CDKL5: variants seen among roughly 807,000 people sequenced by gnomAD.
The protein encoded by CDKL5 is cyclin-dependent kinase-like 5.
In CDKL5, 8 loss-of-function variants were observed where a neutral mutation model predicts 61.7. The ratio of observed to expected loss-of-function variants is 0.13; its 90% CI spans 0.08 to 0.23. CDKL5 has a LOEUF of 0.23. Among genes scored for constraint, CDKL5 ranks in the 10% least tolerant of loss-of-function variants. The pLI, the probability that CDKL5 is intolerant of heterozygous loss-of-function variation, is 1.00. For synonymous variants in CDKL5, 275 were observed against 272.3 expected (o/e 1.01, Z -0.10); for missense variants, 440 against 734.5 (o/e 0.60, Z 4.63).
chrX:18,576,131 A>G (rs911423537), intron 5 of CDKL5, among the ~76,000 whole-genome samples: 3 of 111,903 alleles, frequency 2.7e-5, no homozygotes, highest in African/African-American at 9.7e-5. Flanking sequence ...GTGTGCCTAG[A>G]AATTTCTTGG....
rs1927191060 is a variant in CDKL5 at position 18,630,079 on chromosome X, C to G, written c.*1322C>G. 1 of 751,200 alleles carries G rather than the reference C, an allele frequency of 1.3e-6. No homozygotes were observed. The highest frequency in any genetic ancestry group is 1.6e-6 in the Non-Finnish European group (1 of 638,191). 61.9% of individuals were successfully genotyped at this position (751,200 alleles called of 1,213,427 possible). A position where few individuals can be genotyped will look rare whatever the true frequency, so the allele number is the denominator to read the frequency against. On this transcript the variant is annotated 3_prime_UTR_variant, in exon 18 of 18. Transcript: ENST00000623535. The stretch of plus-strand genomic sequence containing the variant: ...TTTTTTGCTATTGCTCTCTCCAATA[C>G]CATATTTAAAAGGCTCCTGGAGCAA...
At chrX:18,578,341 A>G (rs770584457) in intron 5 of CDKL5, among the ~76,000 whole-genome samples, 1 of 112,427 alleles carries the variant, frequency 8.9e-6, no homozygotes, top group South Asian at 3.6e-4. Flanking sequence ...TAAAATAACA[A>G]GTGCATCTTT....
chrX:18,502,993 C>T (rs979990648), intron 1 of CDKL5, among the ~76,000 whole-genome samples: 1 of 111,873 alleles, frequency 8.9e-6, no homozygotes, highest in Admixed American at 9.5e-5. Context: ...ATTGGAATTG[C>T]ATTGACTATA....
chrX:18,598,693 C>T, intron 11 of CDKL5, 80 bp downstream of exon 11: 1 of 929,468 alleles, frequency 1.1e-6, no homozygotes, highest in Non-Finnish European at 1.6e-6. Flanking sequence ...TTAAATGATG[C>T]AATTAGAGAA....
In CDKL5 at chrX:18,628,848, G is replaced by A; in HGVS notation, c.*91G>A. 9.2e-7 allele frequency: 1 copy of A among 1,085,627 alleles called. No individual in the cohort carries two copies. The highest frequency in any genetic ancestry group is 1.2e-6 in the Non-Finnish European group (1 of 840,901). 89.5% of individuals were successfully genotyped at this position (1,085,627 alleles called of 1,213,427 possible). A position where few individuals can be genotyped will look rare whatever the true frequency, so the allele number is the denominator to read the frequency against. ...GGGCTTGGGGCATGGGCCGGGCCAAGTGGTGAGCCAATATTTTCAGCTTTA... is the reference window on the plus strand; with the variant it reads ...GGGCTTGGGGCATGGGCCGGGCCAAATGGTGAGCCAATATTTTCAGCTTTA... On this transcript the variant is annotated 3_prime_UTR_variant, in exon 18 of 18. Transcript: ENST00000623535.
At chrX:18,510,911 A>T in intron 3 of CDKL5, 57 bp downstream of exon 3, 2 of 861,942 alleles carry the variant, frequency 2.3e-6, no homozygotes, top group Non-Finnish European at 3.4e-6. Context: ...TTTTGAAACT[A>T]ATGTAGTGGT....
chrX:18,539,570 T>C (rs753899493), intron 3 of CDKL5, among the ~76,000 whole-genome samples: 1 of 111,942 alleles, frequency 8.9e-6, no homozygotes, highest in South Asian at 3.7e-4. Context: ...TCAGAGAAAA[T>C]ACTCTGTATG....
intron 9 of CDKL5, among the ~76,000 whole-genome samples, chrX:18,593,276 TCTCA>T: frequency 8.9e-6 from 1 of 112,202 alleles, no homozygotes; most frequent in South Asian, 3.7e-4. Context: ...GAATGGTAGG[TCTCA>T]CTCAAACGCA....
intron 1 of CDKL5, among the ~76,000 whole-genome samples, chrX:18,441,541 C>T (rs1020115357): frequency 8.9e-6 from 1 of 111,867 alleles, no homozygotes; most frequent in Non-Finnish European, 1.9e-5. Flanking sequence ...GATGGTTTCA[C>T]TGGGTGGTGG....
intron 1 of CDKL5, among the ~76,000 whole-genome samples, chrX:18,469,237 G>T (rs1240412555): frequency 9.5e-6 from 1 of 105,178 alleles, no homozygotes; most frequent in Non-Finnish European, 1.9e-5. Context: ...TACTTGCCAG[G>T]CTGAGGTAGG....
downstream of CDKL5, chrX:18,641,556 A>AAC (rs1927575527): frequency 7.0e-6 from 1 of 142,731 alleles, no homozygotes; most frequent in African/African-American, 3.2e-5. Context: ...ATTTAGTGGA[A>AAC]ACTTAACTAG....
At chrX:18,474,215 G>A (rs1036706954) in intron 1 of CDKL5, among the ~76,000 whole-genome samples, 2 of 111,223 alleles carry the variant, frequency 1.8e-5, no homozygotes, top group Admixed American at 9.6e-5. Flanking sequence ...TAAAGTGTTC[G>A]TTTTTGTTAC....
intron 1 of CDKL5, among the ~76,000 whole-genome samples, chrX:18,488,732 A>G (rs1921879302): frequency 2.7e-5 from 3 of 111,747 alleles, no homozygotes. Flanking sequence ...CGCCCAGCCA[A>G]CTGAATGAAA....
At chrX:18,460,533 C>CT (rs1932260880) in intron 1 of CDKL5, among the ~76,000 whole-genome samples, 1 of 110,907 alleles carries the variant, frequency 9.0e-6, no homozygotes, top group Admixed American at 9.6e-5. Context: ...GGGTCTCACT[C>CT]TCTTGCCCAG....
intron 1 of CDKL5, chrX:18,443,742 C>A (rs950064317): frequency 1.8e-5 from 2 of 111,532 alleles, no homozygotes; most frequent in African/African-American, 6.5e-5. Flanking sequence ...CTCAGGTAGT[C>A]CCCAATTTCT....
intron 1 of CDKL5, among the ~76,000 whole-genome samples, chrX:18,438,344 T>G (rs185554217): frequency 0.013 from 1,436 of 109,602 alleles, 12 homozygotes; most frequent in Middle Eastern, 0.048. Flanking sequence ...GATTGCAGGC[T>G]TGAGCCACCA....
At chrX:18,612,799 A>G (rs983032510) in intron 14 of CDKL5, among the ~76,000 whole-genome samples, 1 of 111,647 alleles carries the variant, frequency 9.0e-6, no homozygotes, top group Non-Finnish European at 1.9e-5. Context: ...TGGAGGGACA[A>G]GGTTCCCTGG....
chrX:18,448,249 C>A (rs1931927211), intron 1 of CDKL5, among the ~76,000 whole-genome samples: 1 of 112,136 alleles, frequency 8.9e-6, no homozygotes, highest in South Asian at 3.7e-4. Flanking sequence ...CATATATTAT[C>A]TACAGTTGCC....
rs183990850 is a variant in CDKL5, at chrX:18,587,800, G to A, written c.555-154G>A. On this transcript the variant is annotated intron_variant, in intron 8 of 17. Coordinates refer to ENST00000623535, the MANE Select transcript of CDKL5 (RefSeq NM_001323289.2). ...GCATAGGTTTATTCACTTGTGTTCTGATGATTTGCTTTTCAGCCTTCTTTT... is the reference window on the plus strand; with the variant it reads ...GCATAGGTTTATTCACTTGTGTTCTAATGATTTGCTTTTCAGCCTTCTTTT... The A allele has an allele frequency of 1.0e-4, 52 of 511,749 alleles. 1 individual carries two copies. Among genetic ancestry groups the A allele is most frequent in the Admixed American group, 7.8e-4 (26 of 33,353 alleles). 42.2% of individuals were successfully genotyped at this position (511,749 alleles called of 1,213,427 possible). A position where few individuals can be genotyped will look rare whatever the true frequency, so the allele number is the denominator to read the frequency against.
Sources: gnomAD v4.1 joint callset for allele counts (sites outside exome capture counted in the v4.1 genomes callset) on GRCh38, gnomAD v4.1.1 for gene constraint, MANE v1.5 for transcripts, NCBI Gene and HGNC (gene_info 2026-07-23, HGNC 2026-07-21) for gene names.